Variants in TRAK2 observed in about 807,000 individuals in gnomAD.
TRAK2 encodes the protein trafficking kinesin-binding protein 2.
In TRAK2, 81 loss-of-function variants were observed where a neutral mutation model predicts 104.6. The ratio of observed to expected loss-of-function variants is 0.77; its 90% confidence interval spans 0.65 to 0.93. The LOEUF is 0.93. TRAK2 is among the 40% of genes least tolerant of loss of function. The pLI is 0.00. For synonymous variants in TRAK2, 406 were observed against 394.4 expected, an observed-to-expected ratio of 1.03 and a Z score of -0.35; for missense variants, 1,002 against 1,089.0, an observed-to-expected ratio of 0.92 and a Z score of 1.12.
intron 13 of TRAK2, 44 bp downstream of exon 13, chr2:201,387,659 C>A: frequency 6.7e-7 from 1 of 1,503,148 alleles, no homozygotes; most frequent in South Asian, 1.3e-5. Context: ...AAGGAACTTC[C>A]AGTAAGTCAC....
At chr2:201,443,428 T>TC (rs1951940743) in intron 1 of TRAK2, among the ~76,000 whole-genome samples, 1 of 152,202 alleles carries the variant, frequency 6.6e-6, no homozygotes. Context: ...TCCCATTCCC[T>TC]CCCCTTGGTC....
At position 201,402,924 on chromosome 2, in the gene TRAK2, T is replaced by C. The variant is rs1280932056; in HGVS notation, c.287-1830A>G. On this transcript the variant is annotated intron_variant, in intron 3 of 15. Transcript: ENST00000332624. ...GAGCCAGGAATTAAAACCACCAATC[T>C]GGGGTTAACACCCAAAGCAAAAATC... Among the ~76,000 whole-genome samples, 3 of 152,198 alleles carry C rather than the reference T, an allele frequency of 2.0e-5. 1 individual carries two copies. The highest frequency in any genetic ancestry group is 7.2e-5 in the African/African-American group (3 of 41,452).
At position 201,388,018 on chromosome 2, in the gene TRAK2, T is replaced by C. The variant is rs183799156; in HGVS notation, c.1398-17A>G. The C allele has an allele frequency of 8.7e-6, 14 of 1,613,568 alleles. No individual in the cohort carries two copies. In the Admixed American group the frequency reaches 1.8e-4, roughly 21 times the overall value. On this transcript the variant is annotated splice_polypyrimidine_tract_variant and intron_variant, in intron 12 of 15. Coordinates refer to ENST00000332624, the MANE Select transcript of TRAK2 (RefSeq NM_015049.3). ...TGGGAGCTCCTATAGGAAAATCGCG[T>C]TCACTGATTAGATCTTGAGGATCAT...
At chr2:201,384,080 G>A (rs1029722487) in intron 15 of TRAK2, 31 bp downstream of exon 15, 1 of 1,398,936 alleles carries the variant, frequency 7.1e-7, no homozygotes, top group Non-Finnish European at 1.0e-6. Context: ...GAGGAAAGAA[G>A]TGAGGCCCCA....
chr2:201,415,421 G>C (rs1018997470), intron 2 of TRAK2, among the ~76,000 whole-genome samples: 1 of 151,974 alleles, frequency 6.6e-6, no homozygotes, highest in African/African-American at 2.4e-5. Flanking sequence ...AAACAGACCC[G>C]TCATGACAGA....
chr2:201,423,598 G>C (rs1236681954), intron 1 of TRAK2: 1 of 152,020 alleles, frequency 6.6e-6, no homozygotes. Context: ...GCTAAATTTG[G>C]CTTAAAAATA....
At chr2:201,437,476 T>C (rs777771185) in intron 1 of TRAK2, among the ~76,000 whole-genome samples, 1 of 152,202 alleles carries the variant, frequency 6.6e-6, no homozygotes, top group Non-Finnish European at 1.5e-5. Flanking sequence ...TTTATAATCA[T>C]TACCATAAAT....
chr2:201,416,635 G>A (rs1487036470), intron 2 of TRAK2, among the ~76,000 whole-genome samples: 1 of 152,014 alleles, frequency 6.6e-6, no homozygotes, highest in Non-Finnish European at 1.5e-5. Context: ...AGGTAATAAT[G>A]TATTATGTAT....
chr2:201,434,956 A>G (rs1419539749), intron 1 of TRAK2, among the ~76,000 whole-genome samples: 4 of 152,256 alleles, frequency 2.6e-5, no homozygotes, highest in Admixed American at 2.6e-4. Context: ...AGTGACGGTC[A>G]TATGTAGTTT....
intron 6 of TRAK2, 27 bp downstream of exon 6, chr2:201,398,118 G>T: frequency 6.2e-7 from 1 of 1,607,034 alleles, no homozygotes; most frequent in Non-Finnish European, 8.5e-7. Flanking sequence ...TTAAAGTAAA[G>T]GAAAATGGCA....
At chr2:201,426,464 G>A (rs1197823051) in intron 1 of TRAK2, among the ~76,000 whole-genome samples, 5 of 152,102 alleles carry the variant, frequency 3.3e-5, no homozygotes, top group East Asian at 1.9e-4. Context: ...GCAATAAAGT[G>A]CACAATAAAT....
Position 201,389,828 on chromosome 2 carries a change from T to C in TRAK2, c.1166A>G (p.Asp389Gly), listed in dbSNP as rs768105149. ...TTGTTTAAAGAGAGAAGATTCCTCA[T>C]CCAAACTCAGCTTTTTACGCATAGT... ...EGTMRKKLSL[D>G]EESSLFKQKA... Residue 389 changes from aspartate (D) to glycine (G), a missense_variant, in exon 11 of 16, where the codon GAT (aspartate) becomes GGT (glycine). Asp to Gly is a moderately conservative substitution (Grantham distance 94). Transcript: ENST00000332624. 10 of 1,613,716 alleles carry C rather than the reference T, an allele frequency of 6.2e-6. No individual in the cohort carries two copies. The South Asian group carries it at 1.1e-4, about 18-fold the overall frequency.
chr2:201,423,682 C>T (rs1390496766), intron 1 of TRAK2: 2 of 152,084 alleles, frequency 1.3e-5, no homozygotes, highest in Non-Finnish European at 2.9e-5. Flanking sequence ...ATAAATTTCA[C>T]TGAATTATAC....
At chr2:201,424,607 T>C (rs183084799) in intron 1 of TRAK2, among the ~76,000 whole-genome samples, 168 of 151,444 alleles carry the variant, frequency 1.1e-3, no homozygotes, top group Middle Eastern at 3.5e-3. Context: ...TGTTTTTGTT[T>C]TTTTTTTGTT....
At chr2:201,417,372 A>C (rs917447881) in intron 2 of TRAK2, among the ~76,000 whole-genome samples, 1 of 151,944 alleles carries the variant, frequency 6.6e-6, no homozygotes, top group African/African-American at 2.4e-5. Context: ...TAGTAAATAT[A>C]ACCTGTCATA....
At chr2:201,410,558 C>G in intron 2 of TRAK2, 1 of 1,189,920 alleles carries the variant, frequency 8.4e-7, no homozygotes, top group Non-Finnish European at 1.2e-6. Flanking sequence ...CCAAAAAGAT[C>G]TTTAAAATCA....
intron 9 of TRAK2, among the ~76,000 whole-genome samples, chr2:201,394,511 T>C (rs765313135): frequency 5.3e-5 from 8 of 152,058 alleles, no homozygotes; most frequent in East Asian, 1.9e-4. Flanking sequence ...CAGCTAACTT[T>C]TGTATTTTTA....
In TRAK2 at chr2:201,397,571, T is replaced by C. The variant is rs748105067; in HGVS notation, c.700A>G (p.Ile234Val). The C allele has an allele frequency of 6.2e-6, 10 of 1,612,282 alleles. No individual in the cohort carries two copies. Among genetic ancestry groups the C allele is most frequent in the East Asian group, 2.2e-5 (1 of 44,854 alleles). ...TCATAGGTAACAGTTTCTGTCTTTA[T>C]GTGACAAGCCTTCAAGAAAAAAATC... ...NMALRSKACH[I>V]KTETVTYEEK... The change falls in exon 7 of 16, where the codon ATA becomes GTA. Residue 234 changes from isoleucine to valine, a missense_variant. By Grantham distance (29) the Ile-to-Val change is conservative. Transcript: ENST00000332624.
rs572778768 is a variant in TRAK2 at position 201,381,124 on chromosome 2, C to T, written c.2164G>A (p.Gly722Ser). Residue 722 changes from glycine to serine, a missense_variant, in exon 16 of 16, where the codon GGT (glycine) becomes AGT (serine). Transcript: ENST00000332624. The part of the protein sequence containing the change: ...SPALSYRLSI[G>S]ESITNRRDST... ...TCTCGTCGGTTGGTGATGGACTCAC[C>T]AATGCTGAGTCTATAGGACAAGGCA... 6.2e-7 allele frequency: 1 copy of T among 1,613,582 alleles called. No homozygotes were observed. The highest frequency in any genetic ancestry group is 1.7e-5 in the Admixed American group (1 of 59,956).
Sources: allele counts gnomAD v4.1 joint callset (sites outside exome capture counted in the v4.1 genomes callset), GRCh38; gene constraint gnomAD v4.1.1; transcripts MANE v1.5; gene names NCBI Gene and HGNC (gene_info 2026-07-23, HGNC 2026-07-21).